PPP1R14C: variants seen among roughly 807,000 people sequenced by gnomAD.
PPP1R14C encodes protein phosphatase 1 regulatory subunit 14C.
In PPP1R14C, 16 loss-of-function variants were observed where a neutral mutation model predicts 20.4. The observed-to-expected ratio is 0.78, with a 90% confidence interval of 0.53 to 1.19. The LOEUF (loss-of-function observed/expected upper bound fraction) is 1.19. Among genes scored for constraint, PPP1R14C ranks in the 50% most tolerant of loss-of-function variants. PPP1R14C has a pLI of 0.00. For missense variants in PPP1R14C, 211 were observed against 220.1 expected (o/e 0.96, Z 0.26); for synonymous variants, 91 against 91.0 (o/e 1.00, Z 0.00).
At chr6:150,184,350 G>A (rs1777653755) in intron 1 of PPP1R14C, among the ~76,000 whole-genome samples, 1 of 152,156 alleles carries the variant, frequency 6.6e-6, no homozygotes, top group South Asian at 2.1e-4. Flanking sequence ...CCACCTCCTG[G>A]TAGATAGTAT....
intron 1 of PPP1R14C, among the ~76,000 whole-genome samples, chr6:150,174,789 G>A (rs559913233): frequency 2.0e-5 from 3 of 151,262 alleles, no homozygotes; most frequent in East Asian, 4.0e-4. Flanking sequence ...ACGGTGAAAC[G>A]CCATCTCTAC....
chr6:150,158,647 T>C (rs1777331781), intron 1 of PPP1R14C, among the ~76,000 whole-genome samples: 1 of 152,244 alleles, frequency 6.6e-6, no homozygotes, highest in South Asian at 2.1e-4. Context: ...TTTGTTTATC[T>C]GTTTTGTGCA....
At chr6:150,225,625 C>G (rs1778222090) in intron 3 of PPP1R14C, among the ~76,000 whole-genome samples, 1 of 152,180 alleles carries the variant, frequency 6.6e-6, no homozygotes, top group South Asian at 2.1e-4. Context: ...AATTTCCAAA[C>G]TTCTTACATA....
At chr6:150,239,280 T>A (rs1287256121) in intron 3 of PPP1R14C, among the ~76,000 whole-genome samples, 1 of 152,200 alleles carries the variant, frequency 6.6e-6, no homozygotes, top group Non-Finnish European at 1.5e-5. Context: ...GGCAGCCTGG[T>A]TTTTAATAAG....
At chr6:150,213,943 C>G (rs1283790721) in intron 1 of PPP1R14C, among the ~76,000 whole-genome samples, 1 of 152,158 alleles carries the variant, frequency 6.6e-6, no homozygotes, top group Non-Finnish European at 1.5e-5. Context: ...TATCTAGAAC[C>G]CTGTTTTCTT....
intron 1 of PPP1R14C, among the ~76,000 whole-genome samples, chr6:150,176,328 T>C (rs796484605): frequency 2.6e-5 from 4 of 152,268 alleles, no homozygotes; most frequent in African/African-American, 9.6e-5. Flanking sequence ...AACAATCGAG[T>C]TGGAGGCGGG....
intron 1 of PPP1R14C, among the ~76,000 whole-genome samples, chr6:150,151,167 C>T (rs1341639210): frequency 3.3e-5 from 5 of 152,014 alleles, no homozygotes; most frequent in Non-Finnish European, 7.3e-5. Flanking sequence ...GATCTGTTTT[C>T]TGAGTGCCAG....
chr6:150,173,671 T>C (rs1777523680), intron 1 of PPP1R14C, among the ~76,000 whole-genome samples: 1 of 152,168 alleles, frequency 6.6e-6, no homozygotes, highest in Non-Finnish European at 1.5e-5. Context: ...TGGTTCTCAC[T>C]GTGTTTTCCT....
chr6:150,237,891 G>GT (rs11389293), intron 3 of PPP1R14C, among the ~76,000 whole-genome samples: 68,683 of 151,804 alleles, frequency 0.45, 16,689 homozygotes, highest in African/African-American at 0.64. Flanking sequence ...AGCCCATTAG[G>GT]TTTTTTTTAG....
In PPP1R14C at chr6:150,207,599, A is replaced by C. The variant is rs555029445; in HGVS notation, c.307-7145A>C. On this transcript the variant is annotated intron_variant, in intron 1 of 3. Transcript: ENST00000361131. ...TAAGAAAATCAAAGTTTATTTCTCT[A>C]TTTTTCTGGAGCACTCCTTCCCAAA... is the stretch of plus-strand genomic sequence containing the variant. Among the ~76,000 whole-genome samples, 3 of 152,272 alleles carry C rather than the reference A, an allele frequency of 2.0e-5. No individual in the cohort carries two copies. In the South Asian group the frequency reaches 6.2e-4, roughly 32 times the overall value.
chr6:150,185,262 G>T lies in PPP1R14C; in HGVS notation c.307-29482G>T, dbSNP rs575174944. ...TACAGGGTAGTTGTGAGGATGAAGGGGTTAAATGCAGGTGAAACCCTTAGA... is the reference window on the plus strand; with the variant it reads ...TACAGGGTAGTTGTGAGGATGAAGGTGTTAAATGCAGGTGAAACCCTTAGA... On this transcript the variant is annotated intron_variant, in intron 1 of 3. Coordinates refer to ENST00000361131, the MANE Select transcript of PPP1R14C (RefSeq NM_030949.3). This position sits in a 1 kb window ranked among gnomAD's most constrained non-coding sequence, Gnocchi z 4.1. Among the ~76,000 whole-genome samples the T allele has an allele frequency of 6.6e-6, 1 of 152,218 alleles. No homozygotes were observed. Among genetic ancestry groups the T allele is most frequent in the South Asian group, 2.1e-4 (1 of 4,820 alleles).
Position 150,146,063 on chromosome 6 carries a change from T to C in PPP1R14C, c.306+2565T>C, listed in dbSNP as rs548116601. Reference sequence around the variant, plus strand: ...TGTGCAGTGACTAATCAGTTTTGTATGAGAATAATGTCATAGGGGAATTTA... The same window carrying C: ...TGTGCAGTGACTAATCAGTTTTGTACGAGAATAATGTCATAGGGGAATTTA... On this transcript the variant is annotated intron_variant, in intron 1 of 3. Transcript: ENST00000361131. Among the ~76,000 whole-genome samples, 11 of 152,334 alleles carry C rather than the reference T, an allele frequency of 7.2e-5. No homozygotes were observed. The East Asian group carries it at 1.7e-3, about 24-fold the overall frequency.
At chr6:150,195,725 A>G (rs1196178597) in intron 1 of PPP1R14C, 1 of 409,458 alleles carries the variant, frequency 2.4e-6, no homozygotes, top group Non-Finnish European at 3.3e-6. Context: ...GGTCAGCTAC[A>G]TTAAGTACAT....
chr6:150,242,410 T>A (rs954653728), intron 3 of PPP1R14C, among the ~76,000 whole-genome samples: 3 of 106,696 alleles, frequency 2.8e-5, no homozygotes, highest in African/African-American at 1.4e-4. Flanking sequence ...GCAAGATTAG[T>A]TTAACATTCG....
intron 1 of PPP1R14C, among the ~76,000 whole-genome samples, chr6:150,213,284 G>A (rs1163024852): frequency 3.3e-5 from 5 of 152,104 alleles, no homozygotes; most frequent in Non-Finnish European, 5.9e-5. Context: ...TAATGTCAGC[G>A]AGGATAGTGT....
intron 1 of PPP1R14C, among the ~76,000 whole-genome samples, chr6:150,197,543 A>G (rs1163391099): frequency 6.6e-6 from 1 of 152,258 alleles, no homozygotes; most frequent in Non-Finnish European, 1.5e-5. Flanking sequence ...TAAGATTGGC[A>G]CATTGCTGAT....
intron 1 of PPP1R14C, among the ~76,000 whole-genome samples, chr6:150,189,275 C>T (rs1057176137): frequency 1.3e-5 from 2 of 152,192 alleles, no homozygotes; most frequent in Non-Finnish European, 2.9e-5. Flanking sequence ...CCCTTCTCCT[C>T]GAAAGCACCA....
chr6:150,181,968 G>A (rs1433316742), intron 1 of PPP1R14C, among the ~76,000 whole-genome samples: 1 of 152,190 alleles, frequency 6.6e-6, no homozygotes, highest in African/African-American at 2.4e-5. Flanking sequence ...GTTGAAGTGG[G>A]AAATAGGATT....
intron 1 of PPP1R14C, among the ~76,000 whole-genome samples, chr6:150,158,938 A>ACACTTTGGATAGAACACATGG (rs879466986): frequency 5.3e-5 from 8 of 152,362 alleles, no homozygotes; most frequent in Non-Finnish European, 1.0e-4. Flanking sequence ...AGCAGCCATA[A>ACACTTTGGATAGAACACATGG]CACTTTGGAT....
Sources: allele counts gnomAD v4.1 joint callset (sites outside exome capture counted in the v4.1 genomes callset), GRCh38; gene constraint gnomAD v4.1.1; non-coding constraint Gnocchi (gnomAD v3.1); transcripts MANE v1.5; gene names NCBI Gene and HGNC (gene_info 2026-07-23, HGNC 2026-07-21).